Variants in NEDD9 observed in about 807,000 individuals in gnomAD.
The protein encoded by NEDD9 is neural precursor cell expressed, developmentally down-regulated 9.
In NEDD9, 26 loss-of-function variants were observed where a neutral mutation model predicts 76.6. The ratio of observed to expected loss-of-function variants is 0.34; its 90% CI spans 0.25 to 0.47. The LOEUF (loss-of-function observed/expected upper bound fraction) is 0.47, where lower values mean the gene tolerates loss of function less well. NEDD9 is among the 20% of genes least tolerant of loss of function. The pLI, the probability that NEDD9 is intolerant of heterozygous loss-of-function variation, is 1.00. For synonymous variants in NEDD9, 392 were observed against 414.2 expected (o/e 0.95, Z 0.65); for missense variants, 937 against 1,058.5 (o/e 0.89, Z 1.59).
At chr6:11,371,954 C>A (rs966350653) in intron 1 of NEDD9, among the ~76,000 whole-genome samples, 3 of 152,172 alleles carry the variant, frequency 2.0e-5, no homozygotes. Context: ...GTCTCCATCA[C>A]CTCAAGCATT....
At chr6:11,378,937 G>C (rs1038344355) in intron 1 of NEDD9, among the ~76,000 whole-genome samples, 1 of 152,220 alleles carries the variant, frequency 6.6e-6, no homozygotes, top group Non-Finnish European at 1.5e-5. Flanking sequence ...CCATACAATG[G>C]AGCTTGTGTT....
At chr6:11,234,035 T>C (rs72827154), upstream of NEDD9, among the ~76,000 whole-genome samples, 3,651 of 152,276 alleles carry the variant, frequency 0.024, 67 homozygotes, top group South Asian at 0.07. Context: ...GATACAGGGT[T>C]GGCAGGTTAG....
chr6:11,192,547 G>A (rs1274558865), intron 3 of NEDD9, 101 bp from the exon 4 acceptor site: 3 of 778,196 alleles, frequency 3.9e-6, no homozygotes, highest in African/African-American at 1.8e-5. Flanking sequence ...ACCAGGTTAT[G>A]TACAAGCTTG....
In NEDD9 at chr6:11,192,587, A is replaced by G. The variant is rs557546885; in HGVS notation, c.562-141T>C. 9 of 502,786 alleles carry G rather than the reference A, an allele frequency of 1.8e-5. No individual in the cohort carries two copies. The Admixed American group carries it at 5.1e-4, about 28-fold the overall frequency. The allele number at this position is 502,786 out of a possible 1,614,324, so 31.1% of individuals were successfully genotyped here. A position where few individuals can be genotyped will look rare whatever the true frequency, so the allele number is the denominator to read the frequency against. On this transcript the variant is annotated intron_variant, in intron 3 of 6. Transcript: ENST00000379446. ...TTGGCAGTGCTCCATGTTATAACAGATTTATTGCCTTTTTTTTTAATACAT... is the reference window on the plus strand; with the variant it reads ...TTGGCAGTGCTCCATGTTATAACAGGTTTATTGCCTTTTTTTTTAATACAT...
At chr6:11,293,999 T>C (rs1174291698) in intron 3 of NEDD9, among the ~76,000 whole-genome samples, 3 of 95,480 alleles carry the variant, frequency 3.1e-5, no homozygotes, top group Non-Finnish European at 6.4e-5. Flanking sequence ...TAGAATTCCA[T>C]TGTGTAAGTG....
intron 1 of NEDD9, chr6:11,214,293 C>G: frequency 2.1e-6 from 1 of 474,492 alleles, no homozygotes; most frequent in South Asian, 1.6e-5. Flanking sequence ...GCCTTGGATC[C>G]AGAGAGAATC....
At chr6:11,337,016 C>T (rs549990980) in intron 1 of NEDD9, among the ~76,000 whole-genome samples, 17 of 152,226 alleles carry the variant, frequency 1.1e-4, no homozygotes, top group South Asian at 4.2e-4. Context: ...GTCAGGAGTA[C>T]GAGACCAGCA....
intron 1 of NEDD9, among the ~76,000 whole-genome samples, chr6:11,228,258 C>T (rs1329555148): frequency 6.6e-6 from 1 of 152,056 alleles, no homozygotes; most frequent in Non-Finnish European, 1.5e-5. Context: ...AGGCCGGGTG[C>T]GGTGGCTCAC....
chr6:11,366,967 A>G (rs1322305278), intron 1 of NEDD9, among the ~76,000 whole-genome samples: 3 of 152,252 alleles, frequency 2.0e-5, no homozygotes, highest in East Asian at 3.8e-4. Flanking sequence ...TTTTGATCCA[A>G]TGTTGTTACC....
intron 2 of NEDD9, among the ~76,000 whole-genome samples, chr6:11,319,774 T>TAA (rs1337134343): frequency 7.2e-6 from 1 of 138,170 alleles, no homozygotes; most frequent in African/African-American, 2.7e-5. Flanking sequence ...ACATGCACAC[T>TAA]CACGCACACT....
chr6:11,372,541 G>C (rs1253700346), intron 1 of NEDD9, among the ~76,000 whole-genome samples: 1 of 152,112 alleles, frequency 6.6e-6, no homozygotes, highest in Non-Finnish European at 1.5e-5. Flanking sequence ...TCATATGACA[G>C]CTCTATTTTT....
intron 3 of NEDD9, among the ~76,000 whole-genome samples, chr6:11,250,967 G>C (rs1049354722): frequency 6.6e-6 from 1 of 152,176 alleles, no homozygotes; most frequent in Non-Finnish European, 1.5e-5. Context: ...ACTGGGCCTG[G>C]ATTTTCCACC....
intron 3 of NEDD9, among the ~76,000 whole-genome samples, chr6:11,257,189 C>A (rs1376550823): frequency 1.3e-5 from 2 of 152,190 alleles, no homozygotes; most frequent in East Asian, 1.9e-4. Context: ...ACATTCTGGG[C>A]TGGATAATTC....
chr6:11,195,233 G>A (rs1758260997), intron 2 of NEDD9, among the ~76,000 whole-genome samples: 1 of 152,128 alleles, frequency 6.6e-6, no homozygotes. Flanking sequence ...ATTGTTTCTT[G>A]CAACGAAGTA....
chr6:11,298,433 A>C (rs975133666), intron 3 of NEDD9, among the ~76,000 whole-genome samples: 1 of 152,200 alleles, frequency 6.6e-6, no homozygotes, highest in Non-Finnish European at 1.5e-5. Context: ...TAAAAAATTG[A>C]GGTGGTGAAA....
chr6:11,209,524 G>C (rs570563483), intron 2 of NEDD9, among the ~76,000 whole-genome samples: 1 of 152,336 alleles, frequency 6.6e-6, no homozygotes, highest in African/African-American at 2.4e-5. Context: ...GGCTGATGTA[G>C]TAGGAAATAA....
intron 1 of NEDD9, among the ~76,000 whole-genome samples, chr6:11,227,132 T>C (rs1759330199): frequency 6.6e-6 from 1 of 152,214 alleles, no homozygotes; most frequent in Non-Finnish European, 1.5e-5. Context: ...ATCAAGTCAT[T>C]AGTATATTAG....
intron 3 of NEDD9, among the ~76,000 whole-genome samples, chr6:11,269,622 T>C (rs1581991419): frequency 1.3e-5 from 2 of 152,228 alleles, no homozygotes; most frequent in East Asian, 3.8e-4. Flanking sequence ...CTTTCCTTTT[T>C]AATTCATACA....
At position 11,237,948 on chromosome 6, in the gene NEDD9, G is replaced by C. The variant is rs1180503122; in HGVS notation, c.13-24221C>G. On this transcript the variant is annotated intron_variant, in intron 3 of 3. Transcript: ENST00000397378. This position sits in a 1 kb window ranked among gnomAD's most constrained non-coding sequence, Gnocchi z 4.9. Reference sequence around the variant, plus strand: ...CTAGGGCCATGTTTTATCATTTCTAGTTTGACATTAGTTTTTAAAAACAAT... The same window carrying C: ...CTAGGGCCATGTTTTATCATTTCTACTTTGACATTAGTTTTTAAAAACAAT... Among the ~76,000 whole-genome samples, 1 of 152,138 alleles carries C rather than the reference G, an allele frequency of 6.6e-6. No homozygotes were observed. Among genetic ancestry groups the C allele is most frequent in the African/African-American group, 2.4e-5 (1 of 41,440 alleles).
Sources: allele counts gnomAD v4.1 joint callset (sites outside exome capture counted in the v4.1 genomes callset), GRCh38; gene constraint gnomAD v4.1.1; non-coding constraint Gnocchi (gnomAD v3.1); transcripts MANE v1.5; gene names NCBI Gene and HGNC (gene_info 2026-07-23, HGNC 2026-07-21).